GHSR: variants seen among roughly 807,000 people sequenced by gnomAD.
GHSR encodes growth hormone secretagogue receptor, also known as growth hormone secretagogue receptor type 1.
A neutral mutation model predicts 24.0 loss-of-function variants in GHSR; 17 were observed. That is an observed-to-expected ratio of 0.71 (90% CI 0.49 to 1.06). The LOEUF (loss-of-function observed/expected upper bound fraction) is 1.06, where lower values mean the gene tolerates loss of function less well. Among genes scored for constraint, GHSR ranks in the 50% least tolerant of loss-of-function variants. GHSR has a pLI of 0.00. For missense variants in GHSR, 504 were observed against 483.1 expected (o/e 1.04, Z -0.41); for synonymous variants, 238 against 208.1 (o/e 1.14, Z -1.24).
intron 1 of GHSR, 36 bp downstream of exon 1, chr3:172,447,582 C>T: frequency 6.2e-7 from 1 of 1,611,864 alleles, no homozygotes; most frequent in Non-Finnish European, 8.5e-7. Context: ...AGGATAGGAC[C>T]CGCGAGAGAA....
chr3:172,447,516 C>T, intron 1 of GHSR, 102 bp downstream of exon 1: 2 of 1,541,350 alleles, frequency 1.3e-6, no homozygotes, highest in Non-Finnish European at 1.7e-6. Context: ...AAAGAGGTAG[C>T]GACTCAGGGG....
rs1737397609 is a variant in GHSR at position 172,443,986 on chromosome 3, G to A, written c.*1175C>T. On this transcript the variant is annotated 3_prime_UTR_variant, in exon 2 of 2. Coordinates refer to ENST00000241256, the MANE Select transcript of GHSR (RefSeq NM_198407.2). Reference sequence around the variant, plus strand: ...AATTTCTATATTCATTAACTTTCTTGTAATCTTGCCAGAGCACGTTACAAA... The same window carrying A: ...AATTTCTATATTCATTAACTTTCTTATAATCTTGCCAGAGCACGTTACAAA... 6.6e-6 allele frequency among the ~76,000 whole-genome samples: 1 copy of A among 152,074 alleles called. No individual in the cohort carries two copies. The highest frequency in any genetic ancestry group is 1.5e-5 in the Non-Finnish European group (1 of 67,972).
chr3:172,447,483 A>G (rs1239712977), intron 1 of GHSR, 135 bp downstream of exon 1: 3 of 1,510,658 alleles, frequency 2.0e-6, no homozygotes, highest in Non-Finnish European at 2.7e-6. Context: ...ACGCAGAGAG[A>G]CAGAGGCCCA....
At position 172,448,221 on chromosome 3, in the gene GHSR, T is replaced by C. The variant is rs200019512; in HGVS notation, c.193A>G (p.Met65Val). ...VVGIAGNLLT[M>V]LVVSRFRELR... Reference sequence around the variant, plus strand: ...TCGCGGAAGCGCGACACCACCAGCATGGTGAGCAGGTTGCCAGCGATGCCC... The same window carrying C: ...TCGCGGAAGCGCGACACCACCAGCACGGTGAGCAGGTTGCCAGCGATGCCC... The change falls in exon 1 of 2, where the codon ATG (methionine) becomes GTG (valine). Residue 65 changes from methionine (M) to valine (V), a missense_variant. Physicochemically the swap from Met to Val is conservative, Grantham distance 21. Transcript: ENST00000241256. The surrounding 1 kb of genome is among the most constrained non-coding windows in gnomAD (Gnocchi z 4.8). The C allele has an allele frequency of 8.6e-5, 139 of 1,614,074 alleles. 3 individuals are homozygous for C. The South Asian group carries it at 1.5e-3, about 17-fold the overall frequency.
chr3:172,445,408 A>ATT lies in GHSR; in HGVS notation c.853_854insAA (p.Leu285Ter). Residue 285 changes from leucine (L) to a stop codon, truncating the protein, a stop_gained and frameshift_variant, in exon 2 of 2, where the codon TTA (leucine) becomes TAATA (stop). Transcript: ENST00000241256. LOFTEE classifies it high-confidence loss of function. ...GCCAGGCTCAAAGGATTTGGAAAAT[A>ATT]AATATCGCCCTACGTGGAAGGGGAG... ...CWLPFHVGRY[L>*]FSKSFEPGSL... 1 of 1,614,148 alleles carries ATT rather than the reference A, an allele frequency of 6.2e-7. No individual in the cohort carries two copies. The highest frequency in any genetic ancestry group is 8.5e-7 in the Non-Finnish European group (1 of 1,180,040).
chr3:172,447,967 G>C lies in GHSR; in HGVS notation c.447C>G (p.Leu149=), dbSNP rs2232169. The change falls in exon 1 of 2, where the codon CTC becomes CTG. Residue 149 remains leucine, a synonymous_variant. Coordinates refer to ENST00000241256, the MANE Select transcript of GHSR (RefSeq NM_198407.2). ...VERYFAICFP[L]RAKVVVTKGR... ...CCTTGGTGACCACCACCTTGGCCCG[G>C]AGTGGGAAGCAGATGGCGAAGTAGC... is the stretch of plus-strand genomic sequence containing the variant. 0.029 allele frequency: 46,315 copies of C among 1,614,016 alleles called. 918 individuals are homozygous for C. Among genetic ancestry groups the C allele is most frequent in the African/African-American group, 0.069 (5,171 of 75,048 alleles).
chr3:172,445,198 C>T lies in GHSR; in HGVS notation c.1064G>A (p.Ser355Asn), dbSNP rs370671481. The part of the protein sequence containing the change: ...QRKLSTLKDE[S>N]SRAWTESSIN... The stretch of plus-strand genomic sequence containing the variant: ...ACTAGATTCTGTCCAGGCCCGAGAA[C>T]TTTCATCTTTCAGAGTGGAGAGCTT... Residue 355 changes from serine to asparagine, a missense_variant, in exon 2 of 2, where the codon AGT (serine) becomes AAT (asparagine). Physicochemically the swap from Ser to Asn is conservative, Grantham distance 46 (BLOSUM62 1). Transcript: ENST00000241256. 21 of 1,614,088 alleles carry T rather than the reference C, an allele frequency of 1.3e-5. No individual in the cohort carries two copies. The highest frequency in any genetic ancestry group is 1.8e-5 in the Non-Finnish European group (21 of 1,180,008).
rs201988616 is a variant in GHSR, at chr3:172,447,893, C to T, written c.521G>A (p.Ser174Asn). ...IFVIWAVAFC[S>N]AGPIFVLVGV... is the part of the protein sequence containing the mutation. ...GACTAGCACGAAGATGGGCCCGGCG[C>T]TGCAGAAGGCCACGGCCCAGATGAC... Residue 174 changes from serine to asparagine, a missense_variant, in exon 1 of 2, where the codon AGC becomes AAC. Transcript: ENST00000241256. 6.2e-7 allele frequency: 1 copy of T among 1,613,054 alleles called. No individual in the cohort carries two copies. The highest frequency in any genetic ancestry group is 2.2e-5 in the East Asian group (1 of 44,852).
Position 172,443,507 on chromosome 3 carries a change from A to T in GHSR, c.*1654T>A, listed in dbSNP as rs895574505. Among the ~76,000 whole-genome samples, 1 of 152,164 alleles carries T rather than the reference A, an allele frequency of 6.6e-6. No individual in the cohort carries two copies. The highest frequency in any genetic ancestry group is 1.5e-5 in the Non-Finnish European group (1 of 68,016). Reference sequence around the variant, plus strand: ...TATCTTTCTTTTTGATGAAGGAAAAAACAGTCATGGCAGGAATTTCCCTAA... The same window carrying T: ...TATCTTTCTTTTTGATGAAGGAAAATACAGTCATGGCAGGAATTTCCCTAA... On this transcript the variant is annotated 3_prime_UTR_variant, in exon 2 of 2. Coordinates refer to ENST00000241256, the MANE Select transcript of GHSR (RefSeq NM_198407.2).
At position 172,447,926 on chromosome 3, in the gene GHSR, A is replaced by G; in HGVS notation, c.488T>C (p.Val163Ala). The change falls in exon 1 of 2, where the codon GTC becomes GCC. Residue 163 changes from valine (V) to alanine (A), a missense_variant. By Grantham distance (64) the Val-to-Ala change is moderately conservative (BLOSUM62 0). Transcript: ENST00000241256. Reference sequence around the variant, plus strand: ...GGCCACGGCCCAGATGACGAAGATGACCAGCTTCACCCGCCCCTTGGTGAC... The same window carrying G: ...GGCCACGGCCCAGATGACGAAGATGGCCAGCTTCACCCGCCCCTTGGTGAC... ...VVVTKGRVKLVIFVIWAVAFC... is the reference protein window; with the variant it reads ...VVVTKGRVKLAIFVIWAVAFC... The G allele has an allele frequency of 6.2e-7, 1 of 1,612,750 alleles. No homozygotes were observed. Among genetic ancestry groups the G allele is most frequent in the South Asian group, 1.1e-5 (1 of 91,064 alleles).
intron 1 of GHSR, 151 bp from the exon 2 acceptor site, chr3:172,445,616 A>G: frequency 4.8e-6 from 4 of 831,590 alleles, no homozygotes; most frequent in Non-Finnish European, 7.8e-6. Context: ...ACATTTTAAC[A>G]AAGATTCAGT....
At chr3:172,447,567 G>C (rs1194665599) in intron 1 of GHSR, 51 bp downstream of exon 1, 2 of 1,606,258 alleles carry the variant, frequency 1.2e-6, no homozygotes, top group South Asian at 1.1e-5. Context: ...AGAAGGCACA[G>C]GGAGAGGATA....
chr3:172,444,578 G>A lies in GHSR; in HGVS notation c.*583C>T, dbSNP rs1737413697. 6.9e-6 allele frequency among the ~76,000 whole-genome samples: 1 copy of A among 144,604 alleles called. No individual in the cohort carries two copies. The highest frequency in any genetic ancestry group is 7.1e-5 in the Admixed American group (1 of 14,098). 94.9% of individuals were successfully genotyped at this position (144,604 alleles called of 152,430 possible). A position where few individuals can be genotyped will look rare whatever the true frequency, so the allele number is the denominator to read the frequency against. On this transcript the variant is annotated 3_prime_UTR_variant, in exon 2 of 2. Coordinates refer to ENST00000241256, the MANE Select transcript of GHSR (RefSeq NM_198407.2). ...CAAATATTACCAATGAAAACTTAGT[G>A]TCCAAATTGAGGGTTTCTGTAAGTG...
At chr3:172,447,059 AG>A (rs1737478493) in intron 1 of GHSR, among the ~76,000 whole-genome samples, 1 of 152,232 alleles carries the variant, frequency 6.6e-6, no homozygotes, top group Non-Finnish European at 1.5e-5. Context: ...AATCTCTAAG[AG>A]GATTATCCAA....
chr3:172,445,208 T>C lies in GHSR; in HGVS notation c.1054A>G (p.Lys352Glu), dbSNP rs1473873339. The change falls in exon 2 of 2, where the codon AAA becomes GAA. Residue 352 changes from lysine (K) to glutamate (E), a missense_variant. By Grantham distance (56) the Lys-to-Glu change is moderately conservative. Coordinates refer to ENST00000241256, the MANE Select transcript of GHSR (RefSeq NM_198407.2). ...GTCCAGGCCCGAGAACTTTCATCTT[T>C]CAGAGTGGAGAGCTTTCTCTGGGAG... ...PFSQRKLSTL[K>E]DESSRAWTES... 3 of 1,614,030 alleles carry C rather than the reference T, an allele frequency of 1.9e-6. No homozygotes were observed. Among genetic ancestry groups the C allele is most frequent in the Non-Finnish European group, 2.5e-6 (3 of 1,180,026 alleles).
rs1737391442 is a variant in GHSR, at chr3:172,443,646, A to G, written c.*1515T>C. ...TTATTTTTGGGTTAATACCTTTAGTATGCAAAGAGTTGACTGTATAGGAAG... is the reference window on the plus strand; with the variant it reads ...TTATTTTTGGGTTAATACCTTTAGTGTGCAAAGAGTTGACTGTATAGGAAG... On this transcript the variant is annotated 3_prime_UTR_variant, in exon 2 of 2. Transcript: ENST00000241256. Among the ~76,000 whole-genome samples, 1 of 152,172 alleles carries G rather than the reference A, an allele frequency of 6.6e-6. No individual in the cohort carries two copies. The highest frequency in any genetic ancestry group is 1.5e-5 in the Non-Finnish European group (1 of 67,996).
In GHSR at chr3:172,444,164, T is replaced by TAAC. The variant is rs1737403279; in HGVS notation, c.*996_*997insGTT. On this transcript the variant is annotated 3_prime_UTR_variant, in exon 2 of 2. Transcript: ENST00000241256. ...ACTCAACTTAATTTAAAAATGTATG[T>TAAC]TACACATTTCATATTCATTCTCTTC... 6.6e-6 allele frequency among the ~76,000 whole-genome samples: 1 copy of TAAC among 152,194 alleles called. No homozygotes were observed. The highest frequency in any genetic ancestry group is 1.5e-5 in the Non-Finnish European group (1 of 68,008).
intron 1 of GHSR, among the ~76,000 whole-genome samples, chr3:172,447,209 A>G (rs1217902384): frequency 2.6e-5 from 4 of 152,204 alleles, no homozygotes; most frequent in Non-Finnish European, 5.9e-5. Flanking sequence ...AAAGACCACA[A>G]TGGACTTTTA....
At position 172,445,118 on chromosome 3, in the gene GHSR, G is replaced by A. The variant is rs748087585; in HGVS notation, c.*43C>T. 1.8e-5 allele frequency: 29 copies of A among 1,605,222 alleles called. No individual in the cohort carries two copies. Among genetic ancestry groups the A allele is most frequent in the Middle Eastern group, 1.6e-4 (1 of 6,072 alleles). ...CAAGTTCTGCTGTGCTATGTCTTCC[G>A]GTTTAGAGTAATAAGCGGTGACTGT... On this transcript the variant is annotated 3_prime_UTR_variant, in exon 2 of 2. Transcript: ENST00000241256.
Sources: allele counts gnomAD v4.1 joint callset (sites outside exome capture counted in the v4.1 genomes callset), GRCh38; gene constraint gnomAD v4.1.1; non-coding constraint Gnocchi (gnomAD v3.1); transcripts MANE v1.5; gene names NCBI Gene and HGNC (gene_info 2026-07-23, HGNC 2026-07-21).